Variants in FAM13A observed in about 807,000 individuals in gnomAD.
FAM13A encodes protein FAM13A.
In FAM13A, 76 loss-of-function variants were observed where a neutral mutation model predicts 129.6. The observed-to-expected ratio is 0.59, with a 90% confidence interval of 0.49 to 0.71. The LOEUF (loss-of-function observed/expected upper bound fraction) is 0.71. Ranked by LOEUF, FAM13A falls within the 30% of genes least tolerant of loss-of-function variation. FAM13A has a pLI of 0.00. For missense variants in FAM13A, 1,108 were observed against 1,249.3 expected (o/e 0.89, Z 1.70); for synonymous variants, 443 against 449.9 (o/e 0.98, Z 0.20).
At chr4:88,771,765 C>T (rs1042200149) in intron 11 of FAM13A, among the ~76,000 whole-genome samples, 1 of 152,084 alleles carries the variant, frequency 6.6e-6, no homozygotes, top group African/African-American at 2.4e-5. Flanking sequence ...GTTTATAATC[C>T]ATAAAATTTT....
At chr4:88,859,501 G>C (rs1405919111) in intron 6 of FAM13A, among the ~76,000 whole-genome samples, 1 of 152,144 alleles carries the variant, frequency 6.6e-6, no homozygotes, top group Non-Finnish European at 1.5e-5. Flanking sequence ...GTCTCCTGAT[G>C]TTCTCAGTGA....
At chr4:88,847,952 CA>C (rs1554004314) in intron 7 of FAM13A, among the ~76,000 whole-genome samples, 252 of 136,698 alleles carry the variant, frequency 1.8e-3, no homozygotes, top group Middle Eastern at 3.7e-3. Flanking sequence ...GACTCTGTCC[CA>C]AAAAAAAAAA....
rs374857282 is a variant in FAM13A, at chr4:88,880,285, G to A, written c.843+26094C>T. Reference sequence around the variant, plus strand: ...CCCAAAGTGTGAAAGTGTGAAAGGCGAACCGTCCAGCCCCGAACACACACC... The same window carrying A: ...CCCAAAGTGTGAAAGTGTGAAAGGCAAACCGTCCAGCCCCGAACACACACC... On this transcript the variant is annotated intron_variant, in intron 6 of 23. Coordinates refer to ENST00000264344, the MANE Select transcript of FAM13A (RefSeq NM_014883.4). Among the ~76,000 whole-genome samples the A allele has an allele frequency of 5.9e-5, 9 of 152,228 alleles. No individual in the cohort carries two copies. The East Asian group carries it at 7.7e-4, about 13-fold the overall frequency.
At chr4:89,035,316 C>A (rs1480467636) in intron 1 of FAM13A, among the ~76,000 whole-genome samples, 1 of 152,124 alleles carries the variant, frequency 6.6e-6, no homozygotes, top group Admixed American at 6.6e-5. Flanking sequence ...CAAACCTGCA[C>A]ATGCACCCTG....
intron 6 of FAM13A, among the ~76,000 whole-genome samples, chr4:88,875,349 C>A (rs903167931): frequency 3.3e-5 from 5 of 152,192 alleles, no homozygotes; most frequent in Non-Finnish European, 5.9e-5. Context: ...TCAGAGTGAA[C>A]AGGCAACCTA....
intron 11 of FAM13A, among the ~76,000 whole-genome samples, chr4:88,771,310 T>A (rs1253498980): frequency 4.6e-5 from 7 of 152,104 alleles, no homozygotes; most frequent in Non-Finnish European, 8.8e-5. Flanking sequence ...AAGAAATAGA[T>A]CAGTAATCTC....
intron 3 of FAM13A, among the ~76,000 whole-genome samples, chr4:89,007,952 C>T (rs1301087591): frequency 6.6e-6 from 1 of 152,068 alleles, no homozygotes; most frequent in East Asian, 1.9e-4. Context: ...AGTATATTCT[C>T]AAAAAGGATC....
rs957929184 is a variant in FAM13A, at chr4:88,810,546, T to C, written c.1008-5494A>G. ...CCCAAGCAACGGAACTATTTGAAGC[T>C]AGGGAAGAGGCCTGGAACATATCAA... is the stretch of plus-strand genomic sequence containing the variant. On this transcript the variant is annotated intron_variant, in intron 7 of 23. Transcript: ENST00000264344. Among the ~76,000 whole-genome samples the C allele has an allele frequency of 2.0e-5, 3 of 152,188 alleles. No homozygotes were observed. The East Asian group carries it at 5.8e-4, about 29-fold the overall frequency.
At chr4:88,831,963 G>A (rs552943484) in intron 7 of FAM13A, among the ~76,000 whole-genome samples, 3 of 152,220 alleles carry the variant, frequency 2.0e-5, no homozygotes, top group African/African-American at 7.2e-5. Flanking sequence ...AACAAAGCTG[G>A]AAGTATCACA....
At chr4:88,755,968 T>A (rs1425123236) in intron 14 of FAM13A, among the ~76,000 whole-genome samples, 1 of 152,230 alleles carries the variant, frequency 6.6e-6, no homozygotes, top group Non-Finnish European at 1.5e-5. Context: ...AATGCCCCTT[T>A]AAATTTAATT....
chr4:88,750,388 G>A, intron 15 of FAM13A, 36 bp downstream of exon 15: 1 of 1,501,534 alleles, frequency 6.7e-7, no homozygotes, highest in Non-Finnish European at 9.3e-7. Flanking sequence ...TTGTGGGGAT[G>A]ATGCATTTGT....
At chr4:88,968,033 A>T (rs941998284) in intron 4 of FAM13A, among the ~76,000 whole-genome samples, 1 of 151,394 alleles carries the variant, frequency 6.6e-6, no homozygotes, top group Non-Finnish European at 1.5e-5. Context: ...TCCACAGAAG[A>T]CCTGCCATAA....
At chr4:88,829,035 G>C (rs1050879276) in intron 7 of FAM13A, among the ~76,000 whole-genome samples, 3 of 152,060 alleles carry the variant, frequency 2.0e-5, no homozygotes, top group Non-Finnish European at 4.4e-5. Context: ...ATCTGCATTT[G>C]CTCTTGTCCT....
intron 5 of FAM13A, among the ~76,000 whole-genome samples, chr4:88,925,622 A>C (rs1383918549): frequency 6.6e-6 from 1 of 151,894 alleles, no homozygotes; most frequent in African/African-American, 2.4e-5. Flanking sequence ...GCAGCACACC[A>C]GCATGGCACA....
In FAM13A at chr4:88,726,712, GCAT is replaced by G. The variant is rs1736542208; in HGVS notation, c.*1818_*1820del. 1 of 152,572 alleles carries G rather than the reference GCAT, an allele frequency of 6.6e-6. No homozygotes were observed. The highest frequency in any genetic ancestry group is 1.5e-5 in the Non-Finnish European group (1 of 68,034). 9.5% of individuals were successfully genotyped at this position (152,572 alleles called of 1,614,324 possible). ...TCAAAAATAGGAAACATCCTAAAGT[GCAT>G]CATTTTATTTATAATCTCACTCCTT... On this transcript the variant is annotated 3_prime_UTR_variant, in exon 24 of 24. Transcript: ENST00000264344.
chr4:88,781,427 T>C (rs1442877878), intron 10 of FAM13A, 76 bp from the exon 11 acceptor site: 5 of 994,758 alleles, frequency 5.0e-6, no homozygotes, highest in Middle Eastern at 2.5e-4. Context: ...CTACATCATA[T>C]CATACCTAGG....
intron 4 of FAM13A, among the ~76,000 whole-genome samples, chr4:88,951,029 G>C (rs1025078726): frequency 6.6e-6 from 1 of 152,206 alleles, no homozygotes; most frequent in African/African-American, 2.4e-5. Context: ...AAACCCGGTT[G>C]CTGGGTCCTC....
chr4:88,790,657 GT>G, intron 8 of FAM13A, 30 bp from the exon 9 acceptor site: 1 of 1,600,700 alleles, frequency 6.2e-7, no homozygotes, highest in Non-Finnish European at 8.5e-7. Context: ...AGAAAGTCAG[GT>G]TAGATGAAAG....
chr4:88,755,629 T>C (rs188160653), intron 14 of FAM13A, among the ~76,000 whole-genome samples: 49 of 152,334 alleles, frequency 3.2e-4, no homozygotes, highest in African/African-American at 1.1e-3. Context: ...TTACTTTGAA[T>C]CATCATTTTG....
Sources: gnomAD v4.1 joint callset for allele counts (sites outside exome capture counted in the v4.1 genomes callset) on GRCh38, gnomAD v4.1.1 for gene constraint, MANE v1.5 for transcripts, NCBI Gene and HGNC (gene_info 2026-07-23, HGNC 2026-07-21) for gene names.